Variants in POT1 observed in about 807,000 individuals in gnomAD.
The protein encoded by POT1 is protection of telomeres protein 1.
In POT1, 47 loss-of-function variants were observed where a neutral mutation model predicts 78.5. The observed-to-expected ratio is 0.60, with a 90% CI of 0.47 to 0.76. The LOEUF is 0.76. POT1 is among the 30% of genes least tolerant of loss of function. POT1 has a pLI of 0.00. For missense variants in POT1, 646 were observed against 749.9 expected, an observed-to-expected ratio of 0.86 and a Z score of 1.62; for synonymous variants, 259 against 260.7, an observed-to-expected ratio of 0.99 and a Z score of 0.06.
intron 6 of POT1, among the ~76,000 whole-genome samples, chr7:124,887,348 G>C (rs2116616345): frequency 6.6e-6 from 1 of 152,178 alleles, no homozygotes; most frequent in East Asian, 1.9e-4. Context: ...TTCAGGCTTA[G>C]TATGAGGTTT....
At chr7:124,919,425 T>G (rs890853030) in intron 2 of POT1, among the ~76,000 whole-genome samples, 1 of 152,148 alleles carries the variant, frequency 6.6e-6, no homozygotes, top group East Asian at 1.9e-4. Flanking sequence ...GACTTAATTG[T>G]GTTCTCCCAA....
chr7:124,927,970 A>G (rs978677544), intron 2 of POT1, among the ~76,000 whole-genome samples: 2 of 152,148 alleles, frequency 1.3e-5, no homozygotes, highest in Admixed American at 1.3e-4. Context: ...CATATCATCA[A>G]TATGATCTCA....
chr7:124,863,144 A>G (rs1410731989), intron 8 of POT1, among the ~76,000 whole-genome samples: 1 of 152,004 alleles, frequency 6.6e-6, no homozygotes, highest in Non-Finnish European at 1.5e-5. Context: ...TAATAACACT[A>G]TATTTCTCTG....
intron 11 of POT1, among the ~76,000 whole-genome samples, chr7:124,851,026 G>C (rs1470543736): frequency 6.6e-6 from 1 of 152,110 alleles, no homozygotes; most frequent in Non-Finnish European, 1.5e-5. Context: ...AGAATTTTGG[G>C]AGGCTAAGGC....
At chr7:124,851,749 T>C (rs1795310810) in intron 11 of POT1, 123 bp downstream of exon 11, 1 of 725,108 alleles carries the variant, frequency 1.4e-6, no homozygotes, top group Non-Finnish European at 2.3e-6. Context: ...GATTTTAGTA[T>C]GTTCCTCTAC....
intron 6 of POT1, among the ~76,000 whole-genome samples, chr7:124,887,036 A>C (rs1796257940): frequency 6.6e-6 from 1 of 152,110 alleles, no homozygotes; most frequent in South Asian, 2.1e-4. Flanking sequence ...CAACCAGGTA[A>C]AACTTCAAAT....
At chr7:124,847,044 T>G (rs778785692) in intron 11 of POT1, 46 bp from the exon 12 acceptor site, 10 of 1,325,958 alleles carry the variant, frequency 7.5e-6, no homozygotes, top group Non-Finnish European at 1.1e-5. Flanking sequence ...TACAACTTCA[T>G]TGTAGAACTG....
intron 3 of POT1, among the ~76,000 whole-genome samples, chr7:124,904,348 A>C (rs566389535): frequency 5.3e-5 from 8 of 152,326 alleles, no homozygotes; most frequent in African/African-American, 7.2e-5. Flanking sequence ...AACATACACA[A>C]ATCAATAAAC....
Position 124,864,229 on chromosome 7 carries a change from G to A in POT1, c.256-589C>T, listed in dbSNP as rs563786304. On this transcript the variant is annotated intron_variant, in intron 7 of 18. Coordinates refer to ENST00000357628, the MANE Select transcript of POT1 (RefSeq NM_015450.3). ...GAAATGCTCCTTCCAAAACTCTCTC[G>A]TAGTAATATCGTTACTTCATTTCCC... Among the ~76,000 whole-genome samples the A allele has an allele frequency of 1.4e-3, 208 of 152,104 alleles. 2 individuals are homozygous for A. The highest frequency in any genetic ancestry group is 4.3e-3 in the African/African-American group (177 of 41,512).
chr7:124,853,216 A>G (rs1180015565), intron 9 of POT1, 78 bp from the exon 10 acceptor site: 16 of 1,113,182 alleles, frequency 1.4e-5, no homozygotes, highest in Non-Finnish European at 1.9e-5. Context: ...TTAATAACCA[A>G]TATGGGGCCA....
chr7:124,877,676 A>G (rs71546744), intron 6 of POT1, among the ~76,000 whole-genome samples: 10,751 of 151,718 alleles, frequency 0.071, 496 homozygotes, highest in Middle Eastern at 0.14. Flanking sequence ...ACTAAAAAAT[A>G]CAAAAATTTA....
chr7:124,826,166 T>TA (rs1239589107), intron 17 of POT1, among the ~76,000 whole-genome samples: 3 of 152,172 alleles, frequency 2.0e-5, no homozygotes, highest in African/African-American at 4.8e-5. Flanking sequence ...ACCTACGTGA[T>TA]AGAGTCCCAC....
intron 8 of POT1, 110 bp from the exon 9 acceptor site, chr7:124,859,222 T>C: frequency 3.1e-6 from 2 of 648,786 alleles, no homozygotes; most frequent in Non-Finnish European, 2.4e-6. Context: ...TGCCTCTGAA[T>C]ATTGGCACTA....
At chr7:124,871,507 T>C (rs1795867331) in intron 6 of POT1, among the ~76,000 whole-genome samples, 2 of 152,044 alleles carry the variant, frequency 1.3e-5, no homozygotes, top group African/African-American at 2.4e-5. Flanking sequence ...ACAGTAAATA[T>C]GTCGTACAAA....
intron 9 of POT1, among the ~76,000 whole-genome samples, chr7:124,857,677 C>T (rs1795480026): frequency 6.6e-6 from 1 of 152,158 alleles, no homozygotes; most frequent in East Asian, 1.9e-4. Flanking sequence ...GACTACCTTC[C>T]TGCTCCATCC....
At chr7:124,901,660 A>T (rs1796623184) in intron 3 of POT1, among the ~76,000 whole-genome samples, 2 of 152,210 alleles carry the variant, frequency 1.3e-5, no homozygotes, top group African/African-American at 2.4e-5. Context: ...CAATGGAACA[A>T]AGCTGGACAG....
chr7:124,827,292 T>G lies in POT1; in HGVS notation c.1608A>C (p.Val536=). ...PSSVAEALGI[V]PLQYVFVMTF... ...TCATAACAAACACATATTGGAGGGG[T>G]ACAATACCCAGTGCTAGTGAAGGAA... The change falls in exon 17 of 19, where the codon GTA becomes GTC. Residue 536 remains valine (V), a synonymous_variant. Transcript: ENST00000357628. 1 of 1,585,202 alleles carries G rather than the reference T, an allele frequency of 6.3e-7. No homozygotes were observed. The highest frequency in any genetic ancestry group is 8.6e-7 in the Non-Finnish European group (1 of 1,159,330).
intron 6 of POT1, among the ~76,000 whole-genome samples, chr7:124,872,439 T>G (rs912064936): frequency 4.6e-5 from 7 of 152,190 alleles, no homozygotes; most frequent in African/African-American, 1.7e-4. Context: ...ACAATGTGAA[T>G]CATCTCTTCA....
At chr7:124,914,392 G>A (rs1796966651) in intron 3 of POT1, among the ~76,000 whole-genome samples, 1 of 152,076 alleles carries the variant, frequency 6.6e-6, no homozygotes, top group Non-Finnish European at 1.5e-5. Flanking sequence ...TAATTCTGAT[G>A]GGGACTGTCT....
Sources: gnomAD v4.1 joint callset for allele counts (sites outside exome capture counted in the v4.1 genomes callset) on GRCh38, gnomAD v4.1.1 for gene constraint, MANE v1.5 for transcripts, NCBI Gene and HGNC (gene_info 2026-07-23, HGNC 2026-07-21) for gene names.